The following ZNF140 variants were observed in gnomAD, a reference collection of about 807,000 sequenced individuals.
The protein encoded by ZNF140 is zinc finger protein 140 (clone pHZ-39).
A neutral mutation model predicts 12.9 loss-of-function variants in ZNF140; 13 were observed. The ratio of observed to expected loss-of-function variants is 1.01; its 90% CI spans 0.66 to 1.60. The LOEUF is 1.60. ZNF140 is among the 40% of genes most tolerant of loss of function. The pLI is 0.00. For synonymous variants in ZNF140, 214 were observed against 186.7 expected, an observed-to-expected ratio of 1.15 and a Z score of -1.19; for missense variants, 531 against 548.8, an observed-to-expected ratio of 0.97 and a Z score of 0.32.
At chr12:133,083,959 CA>C (rs1236461703) in intron 4 of ZNF140, among the ~76,000 whole-genome samples, 1,366 of 122,762 alleles carry the variant, frequency 0.011, 4 homozygotes, top group Non-Finnish European at 0.016. Flanking sequence ...GACTCCATCT[CA>C]AAAAAAAAAA....
At chr12:133,085,557 A>G (rs985088203) in intron 4 of ZNF140, among the ~76,000 whole-genome samples, 6 of 152,110 alleles carry the variant, frequency 3.9e-5, no homozygotes, top group Non-Finnish European at 4.4e-5. Context: ...CCTCCAATAA[A>G]GCTAATCATC....
intron 4 of ZNF140, among the ~76,000 whole-genome samples, chr12:133,104,413 G>C (rs1159622721): frequency 6.6e-6 from 1 of 150,476 alleles, no homozygotes; most frequent in Non-Finnish European, 1.5e-5. Flanking sequence ...GTGCAGTGGC[G>C]CAATCTCGGT....
intron 4 of ZNF140, among the ~76,000 whole-genome samples, chr12:133,091,917 T>C (rs923283794): frequency 6.6e-6 from 1 of 151,128 alleles, no homozygotes; most frequent in African/African-American, 2.5e-5. Flanking sequence ...AGGCTCGAGG[T>C]GTAATACAAA....
intron 4 of ZNF140, among the ~76,000 whole-genome samples, chr12:133,087,027 TTATTGTA>T (rs148732413): frequency 0.033 from 4,983 of 152,330 alleles, 250 homozygotes; most frequent in African/African-American, 0.11. Flanking sequence ...GATTAACATT[TTATTGTA>T]TTTGTCTTAC....
Position 133,105,583 on chromosome 12 carries a change from G to T in ZNF140, c.306G>T (p.Leu102Phe). 6.2e-7 allele frequency: 1 copy of T among 1,614,028 alleles called. No homozygotes were observed. The highest frequency in any genetic ancestry group is 8.5e-7 in the Non-Finnish European group (1 of 1,180,004). ...TTTATGATGACTCATCCCAGTATTT[G>T]ATCATGGAAAGAATTCTAAGTCAAG... ...NVIYDDSSQY[L>F]IMERILSQGP... Residue 102 changes from leucine (L) to phenylalanine (F), a missense_variant, in exon 5 of 5, where the codon TTG (leucine) becomes TTT (phenylalanine). Transcript: ENST00000355557.
Position 133,107,317 on chromosome 12 carries a change from T to A in ZNF140, c.*666T>A, listed in dbSNP as rs1955635204. On this transcript the variant is annotated 3_prime_UTR_variant, in exon 5 of 5. Coordinates refer to ENST00000355557, the MANE Select transcript of ZNF140 (RefSeq NM_003440.4). ...ATCTCCTTAGATATCTGAAAAGTCA[T>A]ACTGGATGGAATCTGTAGGAAACGG... is the stretch of plus-strand genomic sequence containing the variant. 6.6e-6 allele frequency: 1 copy of A among 152,222 alleles called. No homozygotes were observed. The highest frequency in any genetic ancestry group is 2.4e-5 in the African/African-American group (1 of 41,470). The allele number at this position is 152,222 out of a possible 1,614,324, so 9.4% of individuals were successfully genotyped here. A position where few individuals can be genotyped will look rare whatever the true frequency, so the allele number is the denominator to read the frequency against.
rs1954455199 is a variant in ZNF140, at chr12:133,081,048, C to G, written c.-73C>G. On this transcript the variant is annotated 5_prime_UTR_variant, in exon 1 of 5. Transcript: ENST00000355557. ...CACCTGGCGGAAAGCACCACGGAAA[C>G]GCATCCTTCTGTGGCCACTGTTAGG... 4.9e-6 allele frequency: 1 copy of G among 205,920 alleles called. No individual in the cohort carries two copies. The highest frequency in any genetic ancestry group is 1.0e-5 in the Non-Finnish European group (1 of 97,456). The allele number at this position is 205,920 out of a possible 1,614,324, so 12.8% of individuals were successfully genotyped here.
In ZNF140 at chr12:133,094,321, C is replaced by T. The variant is rs113131070; in HGVS notation, c.232+10760C>T. On this transcript the variant is annotated intron_variant, in intron 4 of 4. Coordinates refer to ENST00000355557, the MANE Select transcript of ZNF140 (RefSeq NM_003440.4). ...CTGGTGGCTGGTTCTTTATTATTTA[C>T]GGCTGGTATAGTAAAAGCAAATTTT... Among the ~76,000 whole-genome samples, 38 of 151,224 alleles carry T rather than the reference C, an allele frequency of 2.5e-4. 1 individual carries two copies. The highest frequency in any genetic ancestry group is 8.6e-4 in the African/African-American group (35 of 40,850).
chr12:133,088,378 C>T (rs954896263), intron 4 of ZNF140, among the ~76,000 whole-genome samples: 2 of 152,252 alleles, frequency 1.3e-5, no homozygotes, highest in African/African-American at 4.8e-5. Flanking sequence ...AAAATGGCTT[C>T]TTTCACATAC....
At chr12:133,094,776 G>T (rs1955009184) in intron 4 of ZNF140, among the ~76,000 whole-genome samples, 3 of 151,162 alleles carry the variant, frequency 2.0e-5, no homozygotes. Context: ...CCCTCCCCCA[G>T]CACTCACTCG....
chr12:133,097,533 C>T (rs1373045186), intron 4 of ZNF140, among the ~76,000 whole-genome samples: 1 of 151,518 alleles, frequency 6.6e-6, no homozygotes, highest in East Asian at 2.0e-4. Flanking sequence ...GTCCCAGCTA[C>T]TCGGGAGGCT....
intron 4 of ZNF140, among the ~76,000 whole-genome samples, chr12:133,097,819 ATG>A (rs71079166): frequency 0.1 from 14,809 of 143,084 alleles, 818 homozygotes; most frequent in South Asian, 0.16. Context: ...ACATCTAACC[ATG>A]TGTGTGTGTG....
rs1446598953 is a variant in ZNF140, at chr12:133,105,608, G to A, written c.331G>A (p.Gly111Ser). 6.2e-7 allele frequency: 1 copy of A among 1,613,986 alleles called. No individual in the cohort carries two copies. The highest frequency in any genetic ancestry group is 8.5e-7 in the Non-Finnish European group (1 of 1,180,044). Residue 111 changes from glycine to serine, a missense_variant, in exon 5 of 5, where the codon GGC becomes AGC. Gly to Ser is a moderately conservative substitution (Grantham distance 56). Transcript: ENST00000355557. The part of the protein sequence containing the change: ...YLIMERILSQ[G>S]PVYSSFKGGW... Reference sequence around the variant, plus strand: ...GATCATGGAAAGAATTCTAAGTCAAGGCCCTGTGTATTCCAGTTTTAAAGG... The same window carrying A: ...GATCATGGAAAGAATTCTAAGTCAAAGCCCTGTGTATTCCAGTTTTAAAGG...
chr12:133,084,149 G>C (rs891193065), intron 4 of ZNF140: 44 of 436,412 alleles, frequency 1.0e-4, no homozygotes, highest in South Asian at 7.4e-4. Flanking sequence ...GTTCTGTCTG[G>C]TCTCTGAATT....
At chr12:133,096,081 T>C (rs1395654991) in intron 4 of ZNF140, among the ~76,000 whole-genome samples, 2 of 151,530 alleles carry the variant, frequency 1.3e-5, no homozygotes, top group Admixed American at 6.6e-5. Flanking sequence ...CAGGTCTTTC[T>C]CATCCCACGA....
intron 4 of ZNF140, among the ~76,000 whole-genome samples, chr12:133,089,817 A>G (rs1183422989): frequency 6.7e-6 from 1 of 148,910 alleles, no homozygotes; most frequent in Non-Finnish European, 1.5e-5. Context: ...GCTTTTCTCT[A>G]TTAATAGCCT....
In ZNF140 at chr12:133,097,849, G is replaced by GTGTGTGTGTGTGTGTA; in HGVS notation, c.233-7660_233-7659insGTGTGTGTGTGTGTAT. Among the ~76,000 whole-genome samples, 3 of 146,502 alleles carry GTGTGTGTGTGTGTGTA rather than the reference G, an allele frequency of 2.0e-5. No individual in the cohort carries two copies. The Middle Eastern group carries it at 0.011, about 523-fold the overall frequency. ...TGTGTGTGTGTGTGTGTGTGTGTGTGTTTTTGAGATGAAGTCTTACTCTGT... is the reference window on the plus strand; with the variant it reads ...TGTGTGTGTGTGTGTGTGTGTGTGTGTGTGTGTGTGTGTGTATTTTTGAGATGAAGTCTTACTCTGT... On this transcript the variant is annotated intron_variant, in intron 4 of 4. Transcript: ENST00000355557.
In ZNF140 at chr12:133,081,273, G is replaced by T. The variant is rs1954469352; in HGVS notation, c.-48G>T. ...CAGGGCTCCTTTCTCTCTCTGCCAG[G>T]TCTGCCATTTTACACTTTTCTGATC... On this transcript the variant is annotated splice_region_variant and 5_prime_UTR_variant, in exon 2 of 5. Coordinates refer to ENST00000355557, the MANE Select transcript of ZNF140 (RefSeq NM_003440.4). The T allele has an allele frequency of 1.3e-6, 2 of 1,532,052 alleles. No homozygotes were observed. Among genetic ancestry groups the T allele is most frequent in the African/African-American group, 1.4e-5 (1 of 71,840 alleles). 94.9% of individuals were successfully genotyped at this position (1,532,052 alleles called of 1,614,324 possible).
Position 133,093,863 on chromosome 12 carries a change from T to C in ZNF140, c.232+10302T>C, listed in dbSNP as rs1008690585. ...TTTCTGTGTCTCTCTCTAATCTCTGTCTCTTCCTTTTACACGATCTCTCTC... is the reference window on the plus strand; with the variant it reads ...TTTCTGTGTCTCTCTCTAATCTCTGCCTCTTCCTTTTACACGATCTCTCTC... On this transcript the variant is annotated intron_variant, in intron 4 of 4. Transcript: ENST00000355557. 1.3e-5 allele frequency among the ~76,000 whole-genome samples: 2 copies of C among 151,068 alleles called. 1 individual carries two copies. Among genetic ancestry groups the C allele is most frequent in the Non-Finnish European group, 2.9e-5 (2 of 67,854 alleles).
Sources: gnomAD v4.1 joint callset for allele counts (sites outside exome capture counted in the v4.1 genomes callset) on GRCh38, gnomAD v4.1.1 for gene constraint, MANE v1.5 for transcripts, NCBI Gene and HGNC (gene_info 2026-07-23, HGNC 2026-07-21) for gene names.